The following IRAK2 variants were observed in gnomAD, a reference collection of about 807,000 sequenced individuals.
The protein encoded by IRAK2 is interleukin 1 receptor associated kinase 2, also known as interleukin-1 receptor-associated kinase-like 2.
IRAK2 carries 57 observed loss-of-function variants against 72.0 expected under a neutral mutation model. That is an observed-to-expected ratio of 0.79 (90% confidence interval 0.64 to 0.99). IRAK2 has a LOEUF of 0.99. Ranked by LOEUF, IRAK2 falls within the 50% of genes least tolerant of loss-of-function variation. The pLI, the probability that IRAK2 is intolerant of heterozygous loss-of-function variation, is 0.00. For missense variants in IRAK2, 790 were observed against 794.4 expected (o/e 0.99, Z 0.07); for synonymous variants, 293 against 312.7 (o/e 0.94, Z 0.67).
At chr3:10,172,408 C>T (rs1429607092) in intron 1 of IRAK2, among the ~76,000 whole-genome samples, 5 of 151,100 alleles carry the variant, frequency 3.3e-5, no homozygotes, top group African/African-American at 1.2e-4. Context: ...TGTGATGGCA[C>T]TCGCCTGTAA....
intron 1 of IRAK2, among the ~76,000 whole-genome samples, chr3:10,173,455 A>G (rs1696827002): frequency 6.6e-6 from 1 of 152,144 alleles, no homozygotes; most frequent in Admixed American, 6.6e-5. Flanking sequence ...TGCTGAGAAA[A>G]AAGCTGCAGC....
chr3:10,208,620 G>A (rs912845361), intron 3 of IRAK2, among the ~76,000 whole-genome samples: 23 of 151,872 alleles, frequency 1.5e-4, no homozygotes, highest in Non-Finnish European at 2.6e-4. Flanking sequence ...AAAATTAGCT[G>A]GGTGTGGTGG....
intron 2 of IRAK2, among the ~76,000 whole-genome samples, chr3:10,186,440 T>C (rs1255396062): frequency 1.3e-5 from 2 of 151,628 alleles, no homozygotes; most frequent in African/African-American, 4.9e-5. Flanking sequence ...CCTGAAGTGT[T>C]TGGTCTGTTA....
rs1698075424 is a variant in IRAK2 at position 10,242,425 on chromosome 3, C to T, written c.*197C>T. On this transcript the variant is annotated 3_prime_UTR_variant, in exon 13 of 13. Coordinates refer to ENST00000256458, the MANE Select transcript of IRAK2 (RefSeq NM_001570.4). ...CCTCAGCTTTTAGAGACACAAAAATCCATGAAGTCTCTTCCTTTCTGGGCT... is the reference window on the plus strand; with the variant it reads ...CCTCAGCTTTTAGAGACACAAAAATTCATGAAGTCTCTTCCTTTCTGGGCT... 2.5e-6 allele frequency: 1 copy of T among 407,406 alleles called. No homozygotes were observed. The highest frequency in any genetic ancestry group is 4.4e-6 in the Non-Finnish European group (1 of 227,250). 25.2% of individuals were successfully genotyped at this position (407,406 alleles called of 1,614,324 possible).
rs1387936270 is a variant in IRAK2, at chr3:10,238,956, G to GGGAA, written c.1689_1692dup (p.Leu565LysfsTer11). On this transcript the variant is annotated frameshift_variant, in exon 12 of 13. Coordinates refer to ENST00000256458, the MANE Select transcript of IRAK2 (RefSeq NM_001570.4). LOFTEE classifies it high-confidence loss of function. ...ACCCCACTTCTCCCCACAGAGAATG[G>GGGAA]GGAAGGAAGGCTGCGGGTCATCGTG... The GGGAA allele has an allele frequency of 6.2e-7, 1 of 1,614,026 alleles. No homozygotes were observed. The highest frequency in any genetic ancestry group is 8.5e-7 in the Non-Finnish European group (1 of 1,180,024).
In IRAK2 at chr3:10,188,304, C is replaced by G. The variant is rs539706109; in HGVS notation, c.277+10284C>G. The stretch of plus-strand genomic sequence containing the variant: ...CCACAGGGATTTAGATATGCAGGAG[C>G]TGGACAAGAGAGTTAATAAGGAACT... On this transcript the variant is annotated intron_variant, in intron 2 of 12. Transcript: ENST00000256458. Among the ~76,000 whole-genome samples the G allele has an allele frequency of 5.5e-4, 84 of 152,218 alleles. 3 individuals carry two copies. The South Asian group carries it at 0.017, about 32-fold the overall frequency.
intron 2 of IRAK2, among the ~76,000 whole-genome samples, chr3:10,189,280 A>G (rs1450086605): frequency 6.6e-6 from 1 of 152,100 alleles, no homozygotes; most frequent in African/African-American, 2.4e-5. Context: ...ACACATATCT[A>G]GCCGGGGGGA....
rs149440576 is a variant in IRAK2 at position 10,177,845 on chromosome 3, C to T, written c.102C>T (p.Tyr34=). 182 of 1,612,538 alleles carry T rather than the reference C, an allele frequency of 1.1e-4. No homozygotes were observed. The highest frequency in any genetic ancestry group is 1.5e-4 in the Non-Finnish European group (175 of 1,180,010). ...SEWDWMEFAS[Y]VITDLTQLRK... ...TCTCTCCGTCCCTTCCAGCCTCCTA[C>T]GTGATCACAGACCTGACCCAGCTGC... Residue 34 remains tyrosine (Y), a synonymous_variant, in exon 2 of 13, where the codon TAC becomes TAT. Coordinates refer to ENST00000256458, the MANE Select transcript of IRAK2 (RefSeq NM_001570.4).
chr3:10,204,337 TG>T (rs1457702816), intron 3 of IRAK2, among the ~76,000 whole-genome samples: 1 of 152,160 alleles, frequency 6.6e-6, no homozygotes, highest in East Asian at 1.9e-4. Flanking sequence ...ATGGGGCAGC[TG>T]GGGGTAGACC....
chr3:10,168,748 ACCT>A (rs1300472326), intron 1 of IRAK2, among the ~76,000 whole-genome samples: 2 of 151,430 alleles, frequency 1.3e-5, no homozygotes, highest in Middle Eastern at 3.2e-3. Flanking sequence ...GGCCTCTCTG[ACCT>A]CCTCTTCTTC....
chr3:10,193,503 G>C (rs1697209002), intron 2 of IRAK2, among the ~76,000 whole-genome samples: 1 of 152,158 alleles, frequency 6.6e-6, no homozygotes, highest in Non-Finnish European at 1.5e-5. Context: ...TGCTCCTGTG[G>C]TCTCAGCTAC....
At chr3:10,174,355 AGCACTCACTG>A (rs1447934899) in intron 1 of IRAK2, among the ~76,000 whole-genome samples, 2 of 152,130 alleles carry the variant, frequency 1.3e-5, no homozygotes, top group Non-Finnish European at 2.9e-5. Context: ...ATCTGGTCAC[AGCACTCACTG>A]GCTCTGAAAT....
At chr3:10,235,837 CT>C (rs1697947543) in intron 11 of IRAK2, among the ~76,000 whole-genome samples, 1 of 152,166 alleles carries the variant, frequency 6.6e-6, no homozygotes, top group South Asian at 2.1e-4. Flanking sequence ...CCAGTTCAGC[CT>C]TATGTCCATC....
chr3:10,235,512 A>G (rs1297313940), intron 11 of IRAK2, among the ~76,000 whole-genome samples: 2 of 152,118 alleles, frequency 1.3e-5, no homozygotes, highest in Admixed American at 1.3e-4. Context: ...GAGGACCCTT[A>G]GAAATCATCT....
intron 1 of IRAK2, among the ~76,000 whole-genome samples, chr3:10,170,774 G>A (rs1417931622): frequency 1.3e-5 from 2 of 152,242 alleles, no homozygotes; most frequent in Admixed American, 6.5e-5. Flanking sequence ...ACCCATTGGA[G>A]CTGGCCTGGA....
At chr3:10,183,707 G>A (rs922861783) in intron 2 of IRAK2, among the ~76,000 whole-genome samples, 49 of 149,490 alleles carry the variant, frequency 3.3e-4, no homozygotes, top group African/African-American at 1.2e-3. Context: ...GCGGCAGAGC[G>A]AGACTCCGTC....
At chr3:10,165,498 A>G (rs1239860535) in intron 1 of IRAK2, among the ~76,000 whole-genome samples, 4 of 149,726 alleles carry the variant, frequency 2.7e-5, no homozygotes, top group Admixed American at 6.7e-5. Flanking sequence ...ATGATTTAAC[A>G]TATATATATA....
In IRAK2 at chr3:10,239,028, C is replaced by T. The variant is rs772640354; in HGVS notation, c.1754C>T (p.Pro585Leu). The T allele has an allele frequency of 1.9e-6, 3 of 1,601,870 alleles. No individual in the cohort carries two copies. The highest frequency in any genetic ancestry group is 1.7e-5 in the Admixed American group (1 of 58,988). Residue 585 changes from proline to leucine, a missense_variant, in exon 12 of 13, where the codon CCT becomes CTT. Physicochemically the swap from Pro to Leu is moderately conservative, Grantham distance 98. Transcript: ENST00000256458. ...TCTGAGGCCTGTGTTGGCCTGGAGC[C>T]TCCCCAGGATGGTAAGCCGGAAGTC... ...SSSEACVGLEPPQDVTETSWQ... is the reference protein window; with the variant it reads ...SSSEACVGLELPQDVTETSWQ...
At chr3:10,231,166 T>C (rs1222641107) in intron 10 of IRAK2, among the ~76,000 whole-genome samples, 2 of 152,144 alleles carry the variant, frequency 1.3e-5, no homozygotes, top group Non-Finnish European at 2.9e-5. Context: ...TATAAGTAAA[T>C]ATAAAACCAA....
Sources: allele counts gnomAD v4.1 joint callset (sites outside exome capture counted in the v4.1 genomes callset), GRCh38; gene constraint gnomAD v4.1.1; transcripts MANE v1.5; gene names NCBI Gene and HGNC (gene_info 2026-07-23, HGNC 2026-07-21).